Variants in USP9X observed in about 807,000 individuals in gnomAD.
USP9X encodes the protein ubiquitin specific peptidase 9 X-linked.
USP9X carries 7 observed loss-of-function variants against 190.3 expected under a neutral mutation model. That is an observed-to-expected ratio of 0.04 (90% CI 0.02 to 0.07). The LOEUF (loss-of-function observed/expected upper bound fraction) is 0.07, where lower values mean the gene tolerates loss of function less well. USP9X is among the 10% of genes least tolerant of loss of function. USP9X has a pLI of 1.00. For missense variants in USP9X, 1,010 were observed against 1,916.9 expected (o/e 0.53, Z 8.83); for synonymous variants, 645 against 659.5 (o/e 0.98, Z 0.34).
rs767067088 is a variant in USP9X at position 41,223,182 on chromosome X, C to G, written c.6566-35C>G. 2.5e-6 allele frequency: 3 copies of G among 1,179,685 alleles called. No individual in the cohort carries two copies. The South Asian group carries it at 5.8e-5, about 23-fold the overall frequency. On this transcript the variant is annotated intron_variant, in intron 38 of 44. Transcript: ENST00000378308. ...ATTTTTTCCTCATATTTTTCTCCCT[C>G]TCTTTCTTCTCCCCTTCACTCCTTT...
chrX:41,167,539 A>C lies in USP9X; in HGVS notation c.2386A>C (p.Ile796Leu). The C allele has an allele frequency of 1.7e-6, 2 of 1,207,657 alleles. No individual in the cohort carries two copies. The highest frequency in any genetic ancestry group is 1.1e-6 in the Non-Finnish European group (1 of 892,999). The change falls in exon 17 of 45, where the codon ATA (isoleucine) becomes CTA (leucine). Residue 796 changes from isoleucine to leucine, a missense_variant. Ile to Leu is a conservative substitution (Grantham distance 5). This residue lies in a region of USP9X where 104 missense variants were observed against 239.8 expected (regional missense o/e 0.43). Transcript: ENST00000378308. ...ASRAIDLLKE[I>L]YTNLGPRLQV... Reference sequence around the variant, plus strand: ...CAGAGCTATAGATCTCCTCAAAGAGATATACACGAACCTTGGTCCAAGACT... The same window carrying C: ...CAGAGCTATAGATCTCCTCAAAGAGCTATACACGAACCTTGGTCCAAGACT...
intron 1 of USP9X, among the ~76,000 whole-genome samples, chrX:41,089,533 G>C (rs1255556399): frequency 8.9e-6 from 1 of 111,738 alleles, no homozygotes; most frequent in Non-Finnish European, 1.9e-5. Flanking sequence ...TGATAGTTTA[G>C]TTGGTGCGTT....
Position 41,210,714 on chromosome X carries a change from T to C in USP9X, c.5189+32T>C, listed in dbSNP as rs1602039307. On this transcript the variant is annotated intron_variant, in intron 33 of 44. Transcript: ENST00000378308. ...ACTAATTACACATTGAAAGTATATG[T>C]TGTACCATGTATATACTAACAGAAA... 7 of 1,185,644 alleles carry C rather than the reference T, an allele frequency of 5.9e-6. No individual in the cohort carries two copies. The African/African-American group carries it at 1.1e-4, about 18-fold the overall frequency.
intron 21 of USP9X, among the ~76,000 whole-genome samples, chrX:41,182,376 G>GA (rs200428732): frequency 0.072 from 7,528 of 105,282 alleles, 347 homozygotes; most frequent in Middle Eastern, 0.11. Context: ...TCTCAAAGAA[G>GA]AAAAAAAAAT....
At position 41,223,139 on chromosome X, in the gene USP9X, G is replaced by A. The variant is rs1207199009; in HGVS notation, c.6566-78G>A. The A allele has an allele frequency of 8.4e-6, 8 of 956,699 alleles. No homozygotes were observed. In the African/African-American group the frequency reaches 1.6e-4, roughly 19 times the overall value. 78.8% of individuals were successfully genotyped at this position (956,699 alleles called of 1,213,427 possible). A position where few individuals can be genotyped will look rare whatever the true frequency, so the allele number is the denominator to read the frequency against. On this transcript the variant is annotated intron_variant, in intron 38 of 44. Coordinates refer to ENST00000378308, the MANE Select transcript of USP9X (RefSeq NM_001039591.3). The stretch of plus-strand genomic sequence containing the variant: ...TTGTATAACTACTTGTTTTATTCAT[G>A]AAGCCCTTGCCATCTTAATTTTTTC...
At chrX:41,130,828 C>T (rs1455413206) in intron 3 of USP9X, among the ~76,000 whole-genome samples, 4 of 110,388 alleles carry the variant, frequency 3.6e-5, no homozygotes, top group Non-Finnish European at 7.6e-5. Context: ...CAGGTTCAAG[C>T]GATTCTCCTG....
intron 34 of USP9X, 92 bp from the exon 35 acceptor site, chrX:41,215,807 T>A: frequency 2.2e-6 from 2 of 925,251 alleles, no homozygotes; most frequent in Non-Finnish European, 2.9e-6. Context: ...TTCAGATAAG[T>A]CTTAATATCA....
chrX:41,171,099 A>G (rs747199274), intron 20 of USP9X, among the ~76,000 whole-genome samples: 6 of 112,223 alleles, frequency 5.3e-5, no homozygotes, highest in Non-Finnish European at 7.5e-5. Flanking sequence ...GGACCTGTGC[A>G]GTTCAAACTT....
rs1419853651 is a variant in USP9X at position 41,189,299 on chromosome X, A to G, written c.3811-10A>G. The G allele has an allele frequency of 1.0e-5, 12 of 1,197,743 alleles. No homozygotes were observed. The highest frequency in any genetic ancestry group is 1.3e-5 in the Non-Finnish European group (12 of 889,460). Reference sequence around the variant, plus strand: ...CTTTGGGTAATTTGTTCTTGATTGTAATTTTACAGACCAATGCAGGCAATG... The same window carrying G: ...CTTTGGGTAATTTGTTCTTGATTGTGATTTTACAGACCAATGCAGGCAATG... On this transcript the variant is annotated splice_polypyrimidine_tract_variant and intron_variant, in intron 25 of 44. Coordinates refer to ENST00000378308, the MANE Select transcript of USP9X (RefSeq NM_001039591.3).
At chrX:41,125,232 C>T (rs1257013107) in intron 2 of USP9X, among the ~76,000 whole-genome samples, 1 of 109,997 alleles carries the variant, frequency 9.1e-6, no homozygotes, top group Non-Finnish European at 1.9e-5. Flanking sequence ...CGTCCCACCA[C>T]ACTCAGCTAA....
At position 41,166,271 on chromosome X, in the gene USP9X, A is replaced by C; in HGVS notation, c.2328+57A>C. Reference sequence around the variant, plus strand: ...GTCTGATGTACTTTTTCATGTACGTAAGGAATTGTAATTTTGCATATAAAT... The same window carrying C: ...GTCTGATGTACTTTTTCATGTACGTCAGGAATTGTAATTTTGCATATAAAT... On this transcript the variant is annotated intron_variant, in intron 16 of 44. Coordinates refer to ENST00000378308, the MANE Select transcript of USP9X (RefSeq NM_001039591.3). 10 of 858,856 alleles carry C rather than the reference A, an allele frequency of 1.2e-5. 1 individual carries two copies. The South Asian group carries it at 2.9e-4, about 25-fold the overall frequency. The allele number at this position is 858,856 out of a possible 1,213,427, so 70.8% of individuals were successfully genotyped here. A position where few individuals can be genotyped will look rare whatever the true frequency, so the allele number is the denominator to read the frequency against.
intron 32 of USP9X, among the ~76,000 whole-genome samples, chrX:41,208,627 A>G (rs929090171): frequency 1.8e-5 from 2 of 110,040 alleles, no homozygotes; most frequent in Non-Finnish European, 1.9e-5. Context: ...ACTAATTAAC[A>G]TTTTGCCATA....
At chrX:41,129,191 A>C in intron 3 of USP9X, 46 bp downstream of exon 3, 3 of 1,155,821 alleles carry the variant, frequency 2.6e-6, no homozygotes, top group Non-Finnish European at 3.5e-6. Flanking sequence ...ACAGGAAAGT[A>C]ACCCCACTGC....
At chrX:41,219,443 ATT>A (rs748573662) in intron 38 of USP9X, among the ~76,000 whole-genome samples, 5 of 98,909 alleles carry the variant, frequency 5.1e-5, no homozygotes, top group Admixed American at 1.1e-4. Context: ...CTGTGTTTTG[ATT>A]TTTTTTTTTT....
chrX:41,204,014 T>G (rs1044379538), intron 31 of USP9X, among the ~76,000 whole-genome samples: 19 of 111,853 alleles, frequency 1.7e-4, no homozygotes, highest in African/African-American at 6.2e-4. Flanking sequence ...TTTGAGGAAC[T>G]GTTTTCTAGA....
rs2062643943 is a variant in USP9X at position 41,162,676 on chromosome X, T to C, written c.1898-114T>C. The C allele has an allele frequency of 5.6e-6, 3 of 534,984 alleles. No individual in the cohort carries two copies. In the South Asian group the frequency reaches 2.1e-4, roughly 37 times the overall value. 44.1% of individuals were successfully genotyped at this position (534,984 alleles called of 1,213,427 possible). ...ACCAACTGGTAGAATTTAGGTTGCC[T>C]TTTAATGATAAAGGATTAGTGACAT... On this transcript the variant is annotated intron_variant, in intron 14 of 44. Transcript: ENST00000378308.
At chrX:41,102,373 T>G (rs1348479143) in intron 1 of USP9X, among the ~76,000 whole-genome samples, 1 of 111,364 alleles carries the variant, frequency 9.0e-6, no homozygotes, top group Admixed American at 9.6e-5. Flanking sequence ...ATCCCAGCAC[T>G]TTGGGAGGTG....
intron 14 of USP9X, among the ~76,000 whole-genome samples, chrX:41,155,275 G>C (rs1362613034): frequency 8.9e-6 from 1 of 111,845 alleles, no homozygotes; most frequent in Non-Finnish European, 1.9e-5. Context: ...AATGAACTTA[G>C]TAAAATTCTC....
chrX:41,126,796 A>G lies in USP9X; in HGVS notation c.97-2204A>G, dbSNP rs190023718. Among the ~76,000 whole-genome samples the G allele has an allele frequency of 6.4e-3, 714 of 112,077 alleles. 4 individuals are homozygous for G. Among genetic ancestry groups the G allele is most frequent in the Admixed American group, 9.1e-3 (96 of 10,524 alleles). On this transcript the variant is annotated intron_variant, in intron 2 of 44. Transcript: ENST00000378308. ...ACGGTTGTACCAAGAAGCAGCAACC[A>G]AAGTGTTAATCACTGTTCAATTTAG...
Sources: allele counts gnomAD v4.1 joint callset (sites outside exome capture counted in the v4.1 genomes callset), GRCh38; gene constraint gnomAD v4.1.1; regional missense constraint gnomAD v4.1.1; transcripts MANE v1.5; gene names NCBI Gene and HGNC (gene_info 2026-07-23, HGNC 2026-07-21).